CCDC125: variants seen among roughly 807,000 people sequenced by gnomAD.
CCDC125 encodes coiled-coil domain containing 125, also known as coiled-coil domain-containing protein 125.
CCDC125 carries 43 observed loss-of-function variants against 57.4 expected under a neutral mutation model. That is an observed-to-expected ratio of 0.75 (90% CI 0.59 to 0.97). CCDC125 has a LOEUF of 0.97. Among genes scored for constraint, CCDC125 ranks in the 50% least tolerant of loss-of-function variants. CCDC125 has a pLI of 0.00. For missense variants in CCDC125, 563 were observed against 595.7 expected (o/e 0.95, Z 0.57); for synonymous variants, 187 against 195.2 (o/e 0.96, Z 0.35).
chr5:69,283,321 A>G (rs925007680), intron 11 of CCDC125, among the ~76,000 whole-genome samples: 2 of 147,256 alleles, frequency 1.4e-5, no homozygotes, highest in Admixed American at 6.9e-5. Flanking sequence ...CCAGGTTCAC[A>G]CTATTCTCCT....
intron 8 of CCDC125, among the ~76,000 whole-genome samples, chr5:69,296,050 T>C (rs1319633550): frequency 6.6e-6 from 1 of 151,892 alleles, no homozygotes; most frequent in Non-Finnish European, 1.5e-5. Flanking sequence ...CGGCTAATTT[T>C]TTTGTATTTT....
At chr5:69,313,827 T>C (rs1452274515) in intron 3 of CCDC125, 158 bp downstream of exon 3, 5 of 839,088 alleles carry the variant, frequency 6.0e-6, no homozygotes, top group Non-Finnish European at 6.3e-6. Context: ...TTCATGTCGT[T>C]GAACACCTTG....
intron 7 of CCDC125, among the ~76,000 whole-genome samples, chr5:69,300,751 C>T (rs1756261740): frequency 6.6e-6 from 1 of 152,110 alleles, no homozygotes; most frequent in African/African-American, 2.4e-5. Context: ...GAAGCTCCAG[C>T]TGTGTGTGCA....
intron 9 of CCDC125, among the ~76,000 whole-genome samples, chr5:69,292,934 G>C (rs907573809): frequency 6.7e-6 from 1 of 149,760 alleles, no homozygotes; most frequent in African/African-American, 2.5e-5. Flanking sequence ...TCCGCCTCCT[G>C]GGTTCAAGCA....
In CCDC125 at chr5:69,300,072, C is replaced by T; in HGVS notation, c.756G>A (p.Lys252=). The part of the protein sequence containing the change: ...ALAMLDIKQQ[K]MAQENMCCDK... The stretch of plus-strand genomic sequence containing the variant: ...CACAGCACATGTTTTCCTGAGCCAT[C>T]TTCTGCTGTTTGATATCAAGCATGG... The change falls in exon 8 of 12, where the codon AAG becomes AAA. Residue 252 remains lysine (K), a synonymous_variant. Coordinates refer to ENST00000396496, the MANE Select transcript of CCDC125 (RefSeq NM_176816.5). 2 of 1,614,236 alleles carry T rather than the reference C, an allele frequency of 1.2e-6. No individual in the cohort carries two copies. The highest frequency in any genetic ancestry group is 2.2e-5 in the East Asian group (1 of 44,890).
chr5:69,286,209 TATATATATATATATATATATATATAA>T (rs1561402599), intron 10 of CCDC125, among the ~76,000 whole-genome samples: 26 of 120,122 alleles, frequency 2.2e-4, no homozygotes, highest in South Asian at 3.0e-4. Context: ...TATATATATA[TATATATATATATATATATATATATAA>T]TTTTTTTTTT....
rs531747258 is a variant in CCDC125, at chr5:69,298,204, C to T, written c.816+1808G>A. 4.6e-5 allele frequency among the ~76,000 whole-genome samples: 7 copies of T among 151,880 alleles called. No individual in the cohort carries two copies. The South Asian group carries it at 8.3e-4, about 18-fold the overall frequency. On this transcript the variant is annotated intron_variant, in intron 8 of 11. Transcript: ENST00000396496. ...CTAATTTTTGTACTTTTAATAGAGA[C>T]GGGGTTTCATCATGTTGGCCAGGAT...
Position 69,292,170 on chromosome 5 carries a change from A to T in CCDC125, c.1099+18T>A, listed in dbSNP as rs758536482. The T allele has an allele frequency of 8.2e-6, 13 of 1,593,608 alleles. No individual in the cohort carries two copies. In the South Asian group the frequency reaches 1.5e-4, roughly 18 times the overall value. On this transcript the variant is annotated intron_variant, in intron 10 of 11. Coordinates refer to ENST00000396496, the MANE Select transcript of CCDC125 (RefSeq NM_176816.5). Reference sequence around the variant, plus strand: ...ACTAAAATTACACCCACTTATTGCCATTATAATTCATAGTTACCATCCTCT... The same window carrying T: ...ACTAAAATTACACCCACTTATTGCCTTTATAATTCATAGTTACCATCCTCT...
At chr5:69,313,301 G>C (rs2150533766) in intron 3 of CCDC125, 1 of 692,454 alleles carries the variant, frequency 1.4e-6, no homozygotes, top group Admixed American at 2.5e-5. Flanking sequence ...TGGCAGGAAG[G>C]GGGCAGCCTG....
intron 8 of CCDC125, 52 bp downstream of exon 8, chr5:69,299,960 A>T: frequency 1.5e-6 from 2 of 1,344,594 alleles, no homozygotes; most frequent in South Asian, 2.3e-5. Context: ...GGGAGAAAGA[A>T]AGGAAAGTAG....
Position 69,282,553 on chromosome 5 carries a change from T to A in CCDC125, c.*176A>T, listed in dbSNP as rs1561391251. 2 of 576,766 alleles carry A rather than the reference T, an allele frequency of 3.5e-6. No individual in the cohort carries two copies. Among genetic ancestry groups the A allele is most frequent in the Non-Finnish European group, 5.9e-6 (2 of 339,430 alleles). The allele number at this position is 576,766 out of a possible 1,614,324, so 35.7% of individuals were successfully genotyped here. ...TCCAACCTGGGTGACAGAGCAAGAC[T>A]CCATCTCAAAAGAAGAAAAAGAAAA... On this transcript the variant is annotated 3_prime_UTR_variant, in exon 12 of 12. Transcript: ENST00000396496.
chr5:69,275,330 A>T (rs1284287411), downstream of CCDC125, among the ~76,000 whole-genome samples: 1 of 152,188 alleles, frequency 6.6e-6, no homozygotes, highest in Non-Finnish European at 1.5e-5. Context: ...TGTATTTTTT[A>T]AAAAGCCTTA....
chr5:69,288,910 G>C (rs1753954945), intron 10 of CCDC125, among the ~76,000 whole-genome samples: 1 of 152,230 alleles, frequency 6.6e-6, no homozygotes, highest in African/African-American at 2.4e-5. Context: ...GAGCTGAGTG[G>C]TAAGTGCTGT....
At chr5:69,302,160 A>C (rs28792998) in intron 7 of CCDC125, among the ~76,000 whole-genome samples, 2 of 151,600 alleles carry the variant, frequency 1.3e-5, no homozygotes, top group Non-Finnish European at 2.9e-5. Flanking sequence ...GGTGATTCAC[A>C]CCTGTAATCC....
chr5:69,294,942 C>T (rs377031789), intron 8 of CCDC125, 42 bp from the exon 9 acceptor site: 62 of 1,521,928 alleles, frequency 4.1e-5, no homozygotes, highest in Non-Finnish European at 5.1e-5. Flanking sequence ...AAGTGTCACA[C>T]TGTTTTAGCT....
intron 2 of CCDC125, among the ~76,000 whole-genome samples, chr5:69,318,706 T>C (rs1020490081): frequency 5.3e-5 from 8 of 151,686 alleles, no homozygotes; most frequent in Admixed American, 4.6e-4. Flanking sequence ...TGAGCCGAGA[T>C]TGTGACACTG....
intron 1 of CCDC125, among the ~76,000 whole-genome samples, chr5:69,322,271 C>T (rs1760150135): frequency 6.6e-6 from 1 of 151,962 alleles, no homozygotes; most frequent in Admixed American, 6.6e-5. Flanking sequence ...AGGAGTGAGG[C>T]ACCACGTGGG....
At chr5:69,326,769 G>C (rs896070731) in intron 1 of CCDC125, among the ~76,000 whole-genome samples, 1 of 152,020 alleles carries the variant, frequency 6.6e-6, no homozygotes, top group Non-Finnish European at 1.5e-5. Flanking sequence ...CTTAACTTCA[G>C]GCTGGGAATG....
chr5:69,319,861 C>T (rs934168532), intron 2 of CCDC125, among the ~76,000 whole-genome samples: 4 of 151,704 alleles, frequency 2.6e-5, no homozygotes, highest in Admixed American at 2.0e-4. Context: ...TGGCTCATGC[C>T]GGTAATCCCA....
Sources: gnomAD v4.1 joint callset for allele counts (sites outside exome capture counted in the v4.1 genomes callset) on GRCh38, gnomAD v4.1.1 for gene constraint, MANE v1.5 for transcripts, NCBI Gene and HGNC (gene_info 2026-07-23, HGNC 2026-07-21) for gene names.